Variants in HEATR1 observed in about 807,000 individuals in gnomAD.
The protein encoded by HEATR1 is HEAT repeat-containing protein 1.
In HEATR1, 77 loss-of-function variants were observed where a neutral mutation model predicts 248.2. The observed-to-expected ratio is 0.31, with a 90% CI of 0.26 to 0.37. HEATR1 has a LOEUF of 0.37. Ranked by LOEUF, HEATR1 falls within the 10% of genes least tolerant of loss-of-function variation. The pLI is 1.00. For missense variants in HEATR1, 2,420 were observed against 2,504.9 expected (o/e 0.97, Z 0.72); for synonymous variants, 897 against 923.1 (o/e 0.97, Z 0.51).
intron 3 of HEATR1, 54 bp from the exon 4 acceptor site, chr1:236,599,678 C>T (rs189918327): frequency 6.4e-5 from 97 of 1,508,138 alleles, no homozygotes; most frequent in Non-Finnish European, 1.1e-5. Context: ...TAATAAGCAC[C>T]TATTTCCTCA....
intron 37 of HEATR1, 31 bp downstream of exon 37, chr1:236,557,164 T>C (rs1194749262): frequency 6.2e-7 from 1 of 1,608,616 alleles, no homozygotes; most frequent in Non-Finnish European, 8.5e-7. Context: ...CCAGCCACCC[T>C]GCGTAGCATG....
At chr1:236,561,300 C>A (rs751599183) in intron 32 of HEATR1, 29 bp from the exon 33 acceptor site, 4 of 1,576,924 alleles carry the variant, frequency 2.5e-6, no homozygotes, top group Non-Finnish European at 1.7e-6. Flanking sequence ...GTCATTAGAA[C>A]GGTAGGGAAG....
rs754955094 is a variant in HEATR1, at chr1:236,604,020, C to A, written c.76G>T (p.Val26Phe). 1 of 1,599,072 alleles carries A rather than the reference C, an allele frequency of 6.3e-7. No homozygotes were observed. Among genetic ancestry groups the A allele is most frequent in the Non-Finnish European group, 8.5e-7 (1 of 1,174,480 alleles). ...SDASLLSRDEVASLLFDPKEA... is the reference protein window; with the variant it reads ...SDASLLSRDEFASLLFDPKEA... ...TTAGGGTCAAATAACAAAGAAGCAA[C>A]TTCATCTCTAGATAAGAGGCTGGCA... The change falls in exon 2 of 45, where the codon GTT becomes TTT. Residue 26 changes from valine (V) to phenylalanine (F), a missense_variant. By Grantham distance (50) the Val-to-Phe change is conservative. Coordinates refer to ENST00000366582, the MANE Select transcript of HEATR1 (RefSeq NM_018072.6).
At chr1:236,602,171 A>G (rs1302563914) in intron 3 of HEATR1, among the ~76,000 whole-genome samples, 1 of 152,178 alleles carries the variant, frequency 6.6e-6, no homozygotes, top group Non-Finnish European at 1.5e-5. Context: ...GAGAATAAAT[A>G]AAACAAAAAT....
At chr1:236,583,310 G>A in intron 17 of HEATR1, 114 bp from the exon 18 acceptor site, 1 of 858,888 alleles carries the variant, frequency 1.2e-6, no homozygotes, top group Non-Finnish European at 1.8e-6. Flanking sequence ...TTTTGGTGGG[G>A]AAAGGATTAA....
In HEATR1 at chr1:236,557,266, C is replaced by T. The variant is rs149534672; in HGVS notation, c.5284G>A (p.Ala1762Thr). 4 of 1,614,052 alleles carry T rather than the reference C, an allele frequency of 2.5e-6. No individual in the cohort carries two copies. The African/African-American group carries it at 4.0e-5, about 16-fold the overall frequency. Residue 1762 changes from alanine (A) to threonine (T), a missense_variant, in exon 37 of 45, where the codon GCT (alanine) becomes ACT (threonine). Ala to Thr is a moderately conservative substitution (Grantham distance 58). Coordinates refer to ENST00000366582, the MANE Select transcript of HEATR1 (RefSeq NM_018072.6). Reference protein sequence around the residue: ...SSEVYLLSALAALQKVVETLP... With the variant: ...SSEVYLLSALTALQKVVETLP... ...GTCTCCACAACCTTCTGCAGAGCAG[C>T]CAAGGCACTGAGCAGGTAGACCTCG...
rs752436022 is a variant in HEATR1, at chr1:236,558,440, T to C, written c.5001A>G (p.Arg1667=). ...KEGEEEQAIN[R]QTALYTLKLL... is the part of the protein sequence containing the mutation. ...GCTTTAAGGTATACAACGCTGTCTG[T>C]CTGTTGATTGCTTGTTCTTCTTCCC... Residue 1667 remains arginine, a synonymous_variant, in exon 36 of 45, where the codon AGA becomes AGG. Coordinates refer to ENST00000366582, the MANE Select transcript of HEATR1 (RefSeq NM_018072.6). The C allele has an allele frequency of 1.2e-6, 2 of 1,614,210 alleles. No individual in the cohort carries two copies. Among genetic ancestry groups the C allele is most frequent in the Non-Finnish European group, 1.7e-6 (2 of 1,180,008 alleles).
intron 32 of HEATR1, among the ~76,000 whole-genome samples, chr1:236,561,814 C>A (rs1315232713): frequency 6.6e-6 from 1 of 152,160 alleles, no homozygotes. Flanking sequence ...ATATGATATT[C>A]CTCTATAAAT....
At chr1:236,568,920 A>T in intron 29 of HEATR1, 76 bp downstream of exon 29, 1 of 1,049,258 alleles carries the variant, frequency 9.5e-7, no homozygotes, top group African/African-American at 1.7e-5. Flanking sequence ...ACTAAAAAAA[A>T]GGCTTTTAAT....
chr1:236,567,617 G>A (rs993788554), intron 29 of HEATR1, among the ~76,000 whole-genome samples: 4 of 152,238 alleles, frequency 2.6e-5, no homozygotes, highest in Non-Finnish European at 4.4e-5. Flanking sequence ...GCTGAGGCAG[G>A]AGAATCACTT....
At chr1:236,561,747 CAT>C (rs1663139320) in intron 32 of HEATR1, among the ~76,000 whole-genome samples, 1 of 152,190 alleles carries the variant, frequency 6.6e-6, no homozygotes, top group Non-Finnish European at 1.5e-5. Flanking sequence ...TTTCTGGAAA[CAT>C]ATTTTTGAGA....
At chr1:236,595,716 T>G in intron 7 of HEATR1, 43 bp from the exon 8 acceptor site, 3 of 1,577,464 alleles carry the variant, frequency 1.9e-6, no homozygotes, top group Non-Finnish European at 2.6e-6. Flanking sequence ...CTTTACAAGT[T>G]AGACAATGAG....
chr1:236,563,006 G>C (rs984800732), intron 32 of HEATR1, among the ~76,000 whole-genome samples: 4 of 152,158 alleles, frequency 2.6e-5, no homozygotes, highest in African/African-American at 4.8e-5. Flanking sequence ...CTGATCTCTA[G>C]ATAGTGTCTA....
At chr1:236,561,769 G>A (rs1056237549) in intron 32 of HEATR1, among the ~76,000 whole-genome samples, 3 of 152,118 alleles carry the variant, frequency 2.0e-5, no homozygotes, top group Non-Finnish European at 2.9e-5. Context: ...ATCTATGCAT[G>A]GTGACTTATG....
chr1:236,565,981 T>G lies in HEATR1; in HGVS notation c.4373A>C (p.His1458Pro), dbSNP rs1448273421. The change falls in exon 31 of 45, where the codon CAT becomes CCT. Residue 1458 changes from histidine (H) to proline (P), a missense_variant. His to Pro is a moderately conservative substitution (Grantham distance 77). Coordinates refer to ENST00000366582, the MANE Select transcript of HEATR1 (RefSeq NM_018072.6). The part of the protein sequence containing the change: ...FSVCCEFSVQ[H>P]QIQSLMNILQ... ...GATATTCATCAAGCTTTGTATCTGA[T>G]GCTGGACACTAAACTCACAACAGAC... 3 of 1,613,966 alleles carry G rather than the reference T, an allele frequency of 1.9e-6. No individual in the cohort carries two copies. The highest frequency in any genetic ancestry group is 1.1e-5 in the South Asian group (1 of 91,078).
In HEATR1 at chr1:236,585,158, G is replaced by C. The variant is rs374353213; in HGVS notation, c.2108C>G (p.Thr703Arg). ...GAGCACAGACAGGATCACATGAAACGTTACTTTCTGCTTCAGGTTAAAGGA... is the reference window on the plus strand; with the variant it reads ...GAGCACAGACAGGATCACATGAAACCTTACTTTCTGCTTCAGGTTAAAGGA... Reference protein sequence around the residue: ...EESFNLKQKVTFHVILSVLVS... With the variant: ...EESFNLKQKVRFHVILSVLVS... Residue 703 changes from threonine (T) to arginine (R), a missense_variant, in exon 17 of 45, where the codon ACG (threonine) becomes AGG (arginine). Coordinates refer to ENST00000366582, the MANE Select transcript of HEATR1 (RefSeq NM_018072.6). 1.5e-5 allele frequency: 24 copies of C among 1,613,834 alleles called. No homozygotes were observed. The highest frequency in any genetic ancestry group is 1.9e-5 in the Non-Finnish European group (22 of 1,179,906).
chr1:236,599,207 T>C (rs912609037), intron 4 of HEATR1, among the ~76,000 whole-genome samples: 1 of 152,232 alleles, frequency 6.6e-6, no homozygotes, highest in Non-Finnish European at 1.5e-5. Context: ...TTTATAGTTA[T>C]GTGAACTTTG....
At chr1:236,586,199 T>C in intron 15 of HEATR1, 42 bp downstream of exon 15, 8 of 1,471,422 alleles carry the variant, frequency 5.4e-6, no homozygotes, top group Non-Finnish European at 7.5e-6. Context: ...TTCTTTTGTG[T>C]TATCTGTTCA....
chr1:236,579,771 A>G (rs1408965987), intron 20 of HEATR1, among the ~76,000 whole-genome samples: 1 of 152,184 alleles, frequency 6.6e-6, no homozygotes, highest in African/African-American at 2.4e-5. Flanking sequence ...TTGAAATTAC[A>G]TATCTACTTT....
Sources: gnomAD v4.1 joint callset for allele counts (sites outside exome capture counted in the v4.1 genomes callset) on GRCh38, gnomAD v4.1.1 for gene constraint, MANE v1.5 for transcripts, NCBI Gene and HGNC (gene_info 2026-07-23, HGNC 2026-07-21) for gene names.